The following DMD variants were observed in gnomAD, a reference collection of about 807,000 sequenced individuals.
DMD encodes mutant dystrophin.
In DMD, 63 loss-of-function variants were observed where a neutral mutation model predicts 330.1. The ratio of observed to expected loss-of-function variants is 0.19; its 90% confidence interval spans 0.16 to 0.24. DMD has a LOEUF of 0.24. DMD is among the 10% of genes least tolerant of loss of function. The pLI is 1.00. For missense variants in DMD, 3,344 were observed against 2,684.1 expected, an observed-to-expected ratio of 1.25 and a Z score of -5.43; for synonymous variants, 1,223 against 959.8, an observed-to-expected ratio of 1.27 and a Z score of -5.07.
rs189873605 is a variant in DMD, at chrX:31,331,964, C to T, written c.9164-8306G>A. 1.9e-3 allele frequency among the ~76,000 whole-genome samples: 215 copies of T among 112,152 alleles called. 1 individual carries two copies. The highest frequency in any genetic ancestry group is 9.0e-3 in the East Asian group (32 of 3,570). ...AGAGTGAGAAAGAACTAGCAATTAA[C>T]GCAAAAAGAGTATAGGAGAGATTGA... On this transcript the variant is annotated intron_variant, in intron 61 of 78. Transcript: ENST00000357033.
At chrX:33,035,197 TCTTTA>T (rs1030596390) in intron 1 of DMD, among the ~76,000 whole-genome samples, 4 of 111,425 alleles carry the variant, frequency 3.6e-5, no homozygotes, top group Non-Finnish European at 5.7e-5. Context: ...TTATTATTTT[TCTTTA>T]CTTTGCTTTT....
chrX:33,264,894 T>A (rs1012049822), intron 1 of DMD, among the ~76,000 whole-genome samples: 5 of 110,374 alleles, frequency 4.5e-5, no homozygotes, highest in Non-Finnish European at 9.5e-5. Context: ...TATGATGACA[T>A]TGAAAAAAAT....
intron 9 of DMD, among the ~76,000 whole-genome samples, chrX:32,654,972 T>C (rs1049084284): frequency 4.5e-5 from 5 of 112,136 alleles, no homozygotes; most frequent in Non-Finnish European, 1.9e-5. Context: ...GTAGTTTGAA[T>C]TTCTGTGGGA....
At chrX:31,422,694 T>C (rs1300827159) in intron 60 of DMD, among the ~76,000 whole-genome samples, 6 of 112,186 alleles carry the variant, frequency 5.3e-5, no homozygotes, top group Non-Finnish European at 1.1e-4. Flanking sequence ...GTGATGGGGA[T>C]AATATGCATA....
intron 63 of DMD, among the ~76,000 whole-genome samples, chrX:31,258,644 G>C (rs375355022): frequency 8.9e-6 from 1 of 111,753 alleles, no homozygotes; most frequent in East Asian, 2.8e-4. Flanking sequence ...AAAATCCCCT[G>C]CAACTGTAAA....
intron 55 of DMD, among the ~76,000 whole-genome samples, chrX:31,525,041 G>A (rs182884211): frequency 3.6e-5 from 4 of 111,769 alleles, no homozygotes; most frequent in African/African-American, 6.5e-5. Context: ...ACTCAAACCC[G>A]AAAATAGCTT....
chrX:32,722,716 T>C (rs1229158146), intron 7 of DMD, among the ~76,000 whole-genome samples: 1 of 111,360 alleles, frequency 9.0e-6, no homozygotes, highest in Non-Finnish European at 1.9e-5. Context: ...TTATCATAAA[T>C]AGAATTTTTT....
At chrX:32,204,976 A>ATCTCTCTCTCTCTCTCTCTC (rs200970973) in intron 44 of DMD, among the ~76,000 whole-genome samples, 30 of 45,311 alleles carry the variant, frequency 6.6e-4, no homozygotes, top group African/African-American at 1.4e-3. Flanking sequence ...CATCCAAGCC[A>ATCTCTCTCTCTCTCTCTCTC]TCTCTCTCTC....
rs777508365 is a variant in DMD at position 31,981,231 on chromosome X, GTA to G, written c.6439-12719_6439-12718del. On this transcript the variant is annotated intron_variant, in intron 44 of 78. Transcript: ENST00000357033. ...GGAACACACGTGTGTATGTGGGGGT[GTA>G]TGTTTATTAGATTAAGAAGGAAAAA... 2.1e-4 allele frequency among the ~76,000 whole-genome samples: 23 copies of G among 111,659 alleles called. No individual in the cohort carries two copies. The East Asian group carries it at 5.6e-3, about 27-fold the overall frequency.
chrX:33,007,409 G>A (rs2093417556), intron 2 of DMD, among the ~76,000 whole-genome samples: 1 of 110,836 alleles, frequency 9.0e-6, no homozygotes, highest in Non-Finnish European at 1.9e-5. Context: ...CCTTCCTTCA[G>A]GTTTTTTGTA....
intron 1 of DMD, among the ~76,000 whole-genome samples, chrX:33,082,277 T>G (rs1014135335): frequency 8.9e-6 from 1 of 112,099 alleles, no homozygotes; most frequent in African/African-American, 3.2e-5. Flanking sequence ...TTAGATCTCT[T>G]ATTACCTAAT....
At chrX:32,190,354 G>A (rs2096967668) in intron 44 of DMD, among the ~76,000 whole-genome samples, 1 of 108,455 alleles carries the variant, frequency 9.2e-6, no homozygotes, top group Non-Finnish European at 1.9e-5. Flanking sequence ...CTCCATCAGA[G>A]ACCACATATG....
At chrX:32,432,802 C>T (rs772388318) in intron 29 of DMD, among the ~76,000 whole-genome samples, 4 of 112,161 alleles carry the variant, frequency 3.6e-5, no homozygotes, top group South Asian at 7.4e-4. Context: ...AATGTTCTTC[C>T]GTTCTGGTCT....
In DMD at chrX:31,658,150, G is replaced by T. The variant is rs764629897; in HGVS notation, c.7873-6C>A. 2.5e-6 allele frequency: 3 copies of T among 1,210,369 alleles called. No individual in the cohort carries two copies. In the Admixed American group the frequency reaches 6.5e-5, roughly 26 times the overall value. On this transcript the variant is annotated splice_region_variant and splice_polypyrimidine_tract_variant and intron_variant, in intron 53 of 78. Coordinates refer to ENST00000357033, the MANE Select transcript of DMD (RefSeq NM_004006.3). ...CGGAGGTCTTTGGCCAACTGCTATA[G>T]ATTTTTATGAGAAAGAGAATGAATG...
intron 1 of DMD, among the ~76,000 whole-genome samples, chrX:33,283,527 A>C (rs1405495229): frequency 1.3e-4 from 13 of 99,897 alleles, no homozygotes; most frequent in Non-Finnish European, 2.0e-4. Flanking sequence ...TTTGGTCTCA[A>C]AGAAAAAAAA....
At chrX:32,847,036 G>A (rs189829751) in intron 3 of DMD, among the ~76,000 whole-genome samples, 7 of 110,828 alleles carry the variant, frequency 6.3e-5, no homozygotes, top group African/African-American at 2.3e-4. Flanking sequence ...AAGAAAAACA[G>A]CAAATAACCA....
chrX:31,623,345 C>A (rs958192343), intron 55 of DMD, among the ~76,000 whole-genome samples: 2 of 111,280 alleles, frequency 1.8e-5, no homozygotes, highest in Non-Finnish European at 3.8e-5. Flanking sequence ...CTCACTGCAA[C>A]CTCCACCTCC....
At chrX:32,735,644 T>C (rs1171760603) in intron 7 of DMD, among the ~76,000 whole-genome samples, 1 of 111,223 alleles carries the variant, frequency 9.0e-6, no homozygotes. Context: ...TTGACAAACC[T>C]GAGAAAAACA....
At chrX:32,676,020 G>A (rs1327755375) in intron 9 of DMD, among the ~76,000 whole-genome samples, 4 of 111,257 alleles carry the variant, frequency 3.6e-5, no homozygotes, top group African/African-American at 1.3e-4. Flanking sequence ...TGGGTTGAGT[G>A]ACATACCTAT....
Sources: gnomAD v4.1 joint callset for allele counts (sites outside exome capture counted in the v4.1 genomes callset) on GRCh38, gnomAD v4.1.1 for gene constraint, MANE v1.5 for transcripts, NCBI Gene and HGNC (gene_info 2026-07-23, HGNC 2026-07-21) for gene names.